Variants in TMEM87A observed in about 807,000 individuals in gnomAD.
The protein encoded by TMEM87A is transmembrane protein 87A.
A neutral mutation model predicts 90.0 loss-of-function variants in TMEM87A; 50 were observed. The observed-to-expected ratio is 0.56, with a 90% CI of 0.44 to 0.70. The LOEUF (loss-of-function observed/expected upper bound fraction) is 0.70. TMEM87A is among the 30% of genes least tolerant of loss of function. TMEM87A has a pLI of 0.00. For missense variants in TMEM87A, 577 were observed against 660.5 expected (o/e 0.87, Z 1.39); for synonymous variants, 226 against 226.7 (o/e 1.00, Z 0.03).
chr15:42,265,729 T>C (rs973717679), intron 3 of TMEM87A, among the ~76,000 whole-genome samples: 6 of 152,216 alleles, frequency 3.9e-5, no homozygotes, highest in African/African-American at 1.4e-4. Flanking sequence ...AATTTTTGCT[T>C]TTGTTGCAAT....
chr15:42,211,985 A>C (rs772304836), intron 19 of TMEM87A, among the ~76,000 whole-genome samples: 1 of 151,906 alleles, frequency 6.6e-6, no homozygotes, highest in Non-Finnish European at 1.5e-5. Context: ...AGCACTCAGA[A>C]GGAAATGTAT....
intron 10 of TMEM87A, among the ~76,000 whole-genome samples, chr15:42,234,253 A>G (rs1157315557): frequency 2.0e-5 from 3 of 152,226 alleles, no homozygotes; most frequent in African/African-American, 4.8e-5. Flanking sequence ...TGAAGGAGAA[A>G]AAGTCTTAAC....
Position 42,223,172 on chromosome 15 carries a change from C to T in TMEM87A, c.1404-3037G>A, listed in dbSNP as rs894722966. ...TTTTGGGAGGCCAAGGCAGGCAGAT[C>T]GCTTGAGCTCAGGAGTTTATAACAA... On this transcript the variant is annotated intron_variant, in intron 15 of 19. Transcript: ENST00000389834. 1.7e-4 allele frequency among the ~76,000 whole-genome samples: 26 copies of T among 152,132 alleles called. 1 individual carries two copies. Among genetic ancestry groups the T allele is most frequent in the South Asian group, 2.1e-4 (1 of 4,828 alleles).
Position 42,260,967 on chromosome 15 carries a change from T to A in TMEM87A, c.495A>T (p.Gly165=), listed in dbSNP as rs746822805. The stretch of plus-strand genomic sequence containing the variant: ...CCCCAAATATACTTACGGTTTTGTC[T>A]CCAATAAAGGTAAGGTTTGTTCCAT... The part of the protein sequence containing the change: ...KENGTNLTFI[G]DKTAMHEPLQ... Residue 165 remains glycine, a synonymous_variant, in exon 6 of 20, where the codon GGA becomes GGT. Coordinates refer to ENST00000389834, the MANE Select transcript of TMEM87A (RefSeq NM_015497.5). The A allele has an allele frequency of 5.6e-6, 9 of 1,608,434 alleles. No individual in the cohort carries two copies. Among genetic ancestry groups the A allele is most frequent in the Non-Finnish European group, 7.6e-6 (9 of 1,177,712 alleles).
At chr15:42,266,253 C>A (rs141600835) in intron 3 of TMEM87A, among the ~76,000 whole-genome samples, 2,538 of 152,300 alleles carry the variant, frequency 0.017, 74 homozygotes, top group African/African-American at 0.059. Context: ...CAATGGCTCA[C>A]GCCTGTAATC....
intron 7 of TMEM87A, among the ~76,000 whole-genome samples, chr15:42,241,288 T>C (rs972892873): frequency 6.6e-6 from 1 of 152,060 alleles, no homozygotes; most frequent in Non-Finnish European, 1.5e-5. Context: ...ACAAGCTACA[T>C]AGAGAACTAT....
intron 6 of TMEM87A, chr15:42,259,012 G>C (rs553988200): frequency 2.6e-6 from 2 of 772,500 alleles, no homozygotes; most frequent in South Asian, 2.9e-5. Context: ...AAGCAAGCTT[G>C]AGATGTCTGT....
chr15:42,221,171 C>T (rs2050473913), intron 15 of TMEM87A, among the ~76,000 whole-genome samples: 2 of 151,858 alleles, frequency 1.3e-5, no homozygotes, highest in Admixed American at 1.3e-4. Context: ...ATCCCTTGAC[C>T]CCGGGGAACA....
At chr15:42,254,052 C>CTTT (rs538282508) in intron 6 of TMEM87A, among the ~76,000 whole-genome samples, 41 of 147,298 alleles carry the variant, frequency 2.8e-4, no homozygotes, top group African/African-American at 1.0e-3. Flanking sequence ...CTATTTTTTT[C>CTTT]TTTTTTTTTT....
At chr15:42,234,435 G>A (rs1173017844) in intron 10 of TMEM87A, among the ~76,000 whole-genome samples, 3 of 152,130 alleles carry the variant, frequency 2.0e-5, no homozygotes, top group Non-Finnish European at 4.4e-5. Context: ...CTCCATATGA[G>A]CAGGGAATTT....
At chr15:42,243,109 T>C (rs571985830) in intron 7 of TMEM87A, among the ~76,000 whole-genome samples, 2 of 151,624 alleles carry the variant, frequency 1.3e-5, no homozygotes, top group African/African-American at 4.8e-5. Context: ...CACTAAAAAA[T>C]ACAAAAAAAT....
intron 7 of TMEM87A, among the ~76,000 whole-genome samples, 198 bp from the exon 8 acceptor site, chr15:42,239,929 C>T (rs542036873): frequency 1.9e-4 from 29 of 152,266 alleles, no homozygotes; most frequent in African/African-American, 6.7e-4. Context: ...CATGCTGTGT[C>T]CTGCACAGGT....
At position 42,219,577 on chromosome 15, in the gene TMEM87A, T is replaced by C; in HGVS notation, c.1539+4A>G. 5 of 1,595,798 alleles carry C rather than the reference T, an allele frequency of 3.1e-6. No homozygotes were observed. The highest frequency in any genetic ancestry group is 4.3e-6 in the Non-Finnish European group (5 of 1,169,528). ...ACAAAGACAAATGGAAAAGTCATACTTACTGCTTTGTTAACTTTACTATTT... is the reference window on the plus strand; with the variant it reads ...ACAAAGACAAATGGAAAAGTCATACCTACTGCTTTGTTAACTTTACTATTT... On this transcript the variant is annotated splice_donor_region_variant and intron_variant, in intron 17 of 19. Coordinates refer to ENST00000389834, the MANE Select transcript of TMEM87A (RefSeq NM_015497.5).
intron 16 of TMEM87A, 113 bp downstream of exon 16, chr15:42,219,949 C>G: frequency 9.8e-7 from 1 of 1,023,318 alleles, no homozygotes; most frequent in Non-Finnish European, 1.4e-6. Context: ...TTTTCTTAAC[C>G]CTGACTTCAT....
chr15:42,231,872 G>C (rs1260489426), intron 11 of TMEM87A: 20 of 1,278,614 alleles, frequency 1.6e-5, no homozygotes, highest in Non-Finnish European at 1.4e-5. Context: ...GTCAATTGCT[G>C]AGAGGGCCAG....
intron 6 of TMEM87A, among the ~76,000 whole-genome samples, chr15:42,256,579 C>T (rs1387131105): frequency 6.6e-6 from 1 of 152,210 alleles, no homozygotes; most frequent in Non-Finnish European, 1.5e-5. Flanking sequence ...TCAACAGGCT[C>T]ACCTTTCAGC....
chr15:42,211,870 A>C, intron 19 of TMEM87A, 121 bp from the exon 20 acceptor site: 1 of 922,682 alleles, frequency 1.1e-6, no homozygotes. Flanking sequence ...TTAAATGTTT[A>C]GAGAAATGGT....
At chr15:42,228,615 T>C (rs1461852844) in intron 13 of TMEM87A, 97 bp downstream of exon 13, 1 of 971,354 alleles carries the variant, frequency 1.0e-6, no homozygotes, top group Non-Finnish European at 1.6e-6. Flanking sequence ...AAGTGAAATA[T>C]ACAAAACTTT....
chr15:42,260,530 T>G (rs2051268169), intron 6 of TMEM87A, among the ~76,000 whole-genome samples: 1 of 152,228 alleles, frequency 6.6e-6, no homozygotes, highest in Non-Finnish European at 1.5e-5. Flanking sequence ...TTTTGAGGAA[T>G]TAATTATGAA....
Sources: allele counts gnomAD v4.1 joint callset (sites outside exome capture counted in the v4.1 genomes callset), GRCh38; gene constraint gnomAD v4.1.1; transcripts MANE v1.5; gene names NCBI Gene and HGNC (gene_info 2026-07-23, HGNC 2026-07-21).